Variants in ACSF3 observed in about 807,000 individuals in gnomAD.
ACSF3 encodes the protein acyl-CoA synthetase family member 3.
Under a neutral mutation model 53.2 loss-of-function variants are expected in ACSF3, and 78 were observed. That is an observed-to-expected ratio of 1.47 (90% CI 1.22 to 1.77). ACSF3 has a LOEUF of 1.77. ACSF3 is among the 40% of genes most tolerant of loss of function. The pLI is 0.00. For missense variants in ACSF3, 937 were observed against 771.1 expected (o/e 1.22, Z -2.55); for synonymous variants, 414 against 333.1 (o/e 1.24, Z -2.65).
rs1204942701 is a variant in ACSF3 at position 89,133,204 on chromosome 16, C to T, written c.1308C>T (p.Tyr436=). 2 of 1,614,128 alleles carry T rather than the reference C, an allele frequency of 1.2e-6. No homozygotes were observed. Among genetic ancestry groups the T allele is most frequent in the Non-Finnish European group, 1.7e-6 (2 of 1,180,028 alleles). Residue 436 remains tyrosine (Y), a synonymous_variant, in exon 8 of 11, where the codon TAC becomes TAT. Transcript: ENST00000614302. Reference sequence around the variant, plus strand: ...GGGGACCCTCCGTGTTTCGAGAATACTGGAATAAACCAGAAGAAACTAAGA... The same window carrying T: ...GGGGACCCTCCGTGTTTCGAGAATATTGGAATAAACCAGAAGAAACTAAGA... ...LVRGPSVFRE[Y]WNKPEETKSA... is the part of the protein sequence containing the mutation.
At chr16:89,094,254 G>C (rs1974347787) in intron 1 of ACSF3, among the ~76,000 whole-genome samples, 1 of 152,150 alleles carries the variant, frequency 6.6e-6, no homozygotes, top group Non-Finnish European at 1.5e-5. Context: ...CGGTGATACC[G>C]TCGAGCCGGC....
chr16:89,109,017 G>A (rs1976352626), intron 4 of ACSF3, among the ~76,000 whole-genome samples: 2 of 152,048 alleles, frequency 1.3e-5, no homozygotes, highest in South Asian at 4.1e-4. Flanking sequence ...TGGATCACTT[G>A]AGGTCAGGAG....
At chr16:89,102,401 G>A in intron 3 of ACSF3, 2 of 650,924 alleles carry the variant, frequency 3.1e-6, no homozygotes, top group Non-Finnish European at 2.8e-6. Context: ...TGTCCCCAGG[G>A]TAAGTGAGTG....
intron 6 of ACSF3, among the ~76,000 whole-genome samples, chr16:89,115,793 G>C (rs1187098388): frequency 6.6e-6 from 1 of 152,208 alleles, no homozygotes; most frequent in Non-Finnish European, 1.5e-5. Flanking sequence ...ATTCTCTCAT[G>C]ATGGGTGGCG....
chr16:89,136,776 G>T, intron 8 of ACSF3: 3 of 1,287,302 alleles, frequency 2.3e-6, no homozygotes, highest in Non-Finnish European at 3.0e-6. Context: ...CAGCGGGCTT[G>T]TGAGGCCAGG....
chr16:89,103,269 G>A (rs974142778), intron 4 of ACSF3, among the ~76,000 whole-genome samples: 1 of 152,236 alleles, frequency 6.6e-6, no homozygotes, highest in African/African-American at 2.4e-5. Context: ...ATGCTCACGC[G>A]CTTGGTTTAA....
At chr16:89,098,978 G>A (rs576714802) in intron 2 of ACSF3, among the ~76,000 whole-genome samples, 1 of 152,406 alleles carries the variant, frequency 6.6e-6, no homozygotes, top group South Asian at 2.1e-4. Flanking sequence ...ACAGGCCTGG[G>A]ACGCTGTCAG....
At chr16:89,108,341 C>G (rs1424071670) in intron 4 of ACSF3, among the ~76,000 whole-genome samples, 1 of 152,206 alleles carries the variant, frequency 6.6e-6, no homozygotes, top group African/African-American at 2.4e-5. Context: ...AACTTGTTTC[C>G]CTTCAGCCTG....
chr16:89,138,384 G>A (rs1351966604), intron 8 of ACSF3, among the ~76,000 whole-genome samples: 1 of 152,200 alleles, frequency 6.6e-6, no homozygotes, highest in Non-Finnish European at 1.5e-5. Flanking sequence ...CAGGACACTG[G>A]GCATCTCTGT....
intron 7 of ACSF3, among the ~76,000 whole-genome samples, chr16:89,130,435 A>G (rs944234717): frequency 4.6e-5 from 7 of 152,118 alleles, no homozygotes; most frequent in East Asian, 1.9e-4. Flanking sequence ...TTAGCCAGGC[A>G]TGGTGGCACA....
chr16:89,142,614 CACACCTGCAGACACCT>C (rs1201365130), intron 8 of ACSF3, among the ~76,000 whole-genome samples: 5 of 151,494 alleles, frequency 3.3e-5, no homozygotes, highest in African/African-American at 7.3e-5. Flanking sequence ...CAGACACACC[CACACCTGCAGACACCT>C]ACACCTGCAG....
At chr16:89,139,564 C>T (rs1911319145) in intron 8 of ACSF3, among the ~76,000 whole-genome samples, 1 of 150,024 alleles carries the variant, frequency 6.7e-6, no homozygotes, top group Non-Finnish European at 1.5e-5. Flanking sequence ...AATCCTGGCA[C>T]TTGGTGACCC....
Position 89,100,726 on chromosome 16 carries a change from C to T in ACSF3, c.45C>T (p.Ala15=). 3 of 1,603,492 alleles carry T rather than the reference C, an allele frequency of 1.9e-6. No homozygotes were observed. The highest frequency in any genetic ancestry group is 1.7e-6 in the Non-Finnish European group (2 of 1,179,598). Residue 15 remains alanine (A), a synonymous_variant, in exon 3 of 11, where the codon GCC becomes GCT. Coordinates refer to ENST00000614302, the MANE Select transcript of ACSF3 (RefSeq NM_001243279.3). ...TCACCTTCCGGCGCCTGGGCTGCGC[C>T]TTGGCGTCCTGCCGGCTGGCGCCTG... is the stretch of plus-strand genomic sequence containing the variant. ...VVLTFRRLGC[A]LASCRLAPAR...
Position 89,101,204 on chromosome 16 carries a change from T to G in ACSF3, c.523T>G (p.Tyr175Asp), listed in dbSNP as rs141612994. 1.2e-6 allele frequency: 2 copies of G among 1,607,348 alleles called. No individual in the cohort carries two copies. The highest frequency in any genetic ancestry group is 1.7e-6 in the Non-Finnish European group (2 of 1,177,092). The change falls in exon 3 of 11, where the codon TAC becomes GAC. Residue 175 changes from tyrosine to aspartate, a missense_variant. Coordinates refer to ENST00000614302, the MANE Select transcript of ACSF3 (RefSeq NM_001243279.3). ...GCTGCTGCCGCTCACACCAGCCATC[T>G]ACACTGGAGCAGTAGAGGAACCGGC... ...VPLLPLTPAI[Y>D]TGAVEEPAEV...
rs1976546574 is a variant in ACSF3, at chr16:89,110,397, A to G, written c.823-1695A>G. Among the ~76,000 whole-genome samples the G allele has an allele frequency of 2.0e-5, 3 of 152,300 alleles. No homozygotes were observed. The South Asian group carries it at 6.2e-4, about 32-fold the overall frequency. ...TCAGTGTGTCAGTGCCATTTGTGAG[A>G]AAGATTATCCTTTTGTCCTTTTCCC... On this transcript the variant is annotated intron_variant, in intron 4 of 10. Coordinates refer to ENST00000614302, the MANE Select transcript of ACSF3 (RefSeq NM_001243279.3).
At chr16:89,130,039 A>C (rs1908958503) in intron 7 of ACSF3, among the ~76,000 whole-genome samples, 1 of 152,242 alleles carries the variant, frequency 6.6e-6, no homozygotes, top group South Asian at 2.1e-4. Flanking sequence ...AACTTCATTC[A>C]TCCAAATATT....
intron 6 of ACSF3, among the ~76,000 whole-genome samples, chr16:89,115,691 C>G (rs965826523): frequency 6.6e-6 from 1 of 152,356 alleles, no homozygotes; most frequent in African/African-American, 2.4e-5. Context: ...TTCTCCAGAG[C>G]GGCTACACCA....
intron 8 of ACSF3, among the ~76,000 whole-genome samples, chr16:89,135,554 TG>T (rs1365747932): frequency 6.6e-6 from 1 of 152,288 alleles, no homozygotes; most frequent in African/African-American, 2.4e-5. Context: ...GAAGCCTCTC[TG>T]TGACAGGACG....
Position 89,100,900 on chromosome 16 carries a change from C to A in ACSF3, c.219C>A (p.Ser73=), listed in dbSNP as rs1975219207. 1 of 1,613,864 alleles carries A rather than the reference C, an allele frequency of 6.2e-7. No homozygotes were observed. Among genetic ancestry groups the A allele is most frequent in the Non-Finnish European group, 8.5e-7 (1 of 1,180,040 alleles). ...HGRHTYRELY[S]RSLRLSQEIC... ...GCCACACGTACAGGGAGCTTTATTC[C>A]CGCAGCCTTCGCCTGTCCCAGGAGA... Residue 73 remains serine (S), a synonymous_variant, in exon 3 of 11, where the codon TCC becomes TCA. Transcript: ENST00000614302.
Sources: allele counts gnomAD v4.1 joint callset (sites outside exome capture counted in the v4.1 genomes callset), GRCh38; gene constraint gnomAD v4.1.1; transcripts MANE v1.5; gene names NCBI Gene and HGNC (gene_info 2026-07-23, HGNC 2026-07-21).